FSTL5: variants seen among roughly 807,000 people sequenced by gnomAD.
FSTL5 encodes follistatin-related protein 5.
In FSTL5, 62 loss-of-function variants were observed where a neutral mutation model predicts 89.1. The ratio of observed to expected loss-of-function variants is 0.70; its 90% CI spans 0.57 to 0.86. The LOEUF (loss-of-function observed/expected upper bound fraction) is 0.86, where lower values mean the gene tolerates loss of function less well. FSTL5 is among the 40% of genes least tolerant of loss of function. FSTL5 has a pLI of 0.00. For synonymous variants in FSTL5, 383 were observed against 346.2 expected, an observed-to-expected ratio of 1.11 and a Z score of -1.18; for missense variants, 1,057 against 1,001.6, an observed-to-expected ratio of 1.06 and a Z score of -0.75.
Position 161,531,205 on chromosome 4 carries a change from A to G in FSTL5, c.1312+6961T>C, listed in dbSNP as rs540055490. On this transcript the variant is annotated intron_variant, in intron 10 of 15. Transcript: ENST00000306100. ...GTGATATTTGTTGACAAAGTTAGACACTGTAAATCAAAGTTTCCCACTTCA... is the reference window on the plus strand; with the variant it reads ...GTGATATTTGTTGACAAAGTTAGACGCTGTAAATCAAAGTTTCCCACTTCA... Among the ~76,000 whole-genome samples, 5 of 152,324 alleles carry G rather than the reference A, an allele frequency of 3.3e-5. No homozygotes were observed. The South Asian group carries it at 1.0e-3, about 32-fold the overall frequency.
chr4:161,700,561 A>T (rs1335073333), intron 6 of FSTL5, among the ~76,000 whole-genome samples: 1 of 151,960 alleles, frequency 6.6e-6, no homozygotes, highest in Admixed American at 6.6e-5. Flanking sequence ...TATTTGGTAG[A>T]GATGAGGTTT....
intron 4 of FSTL5, among the ~76,000 whole-genome samples, chr4:161,879,905 G>C (rs1732571722): frequency 6.6e-6 from 1 of 152,124 alleles, no homozygotes; most frequent in African/African-American, 2.4e-5. Flanking sequence ...TAGATTGATA[G>C]CTCCATGGGA....
intron 8 of FSTL5, among the ~76,000 whole-genome samples, chr4:161,561,227 A>G (rs1057263858): frequency 2.0e-5 from 3 of 152,028 alleles, no homozygotes; most frequent in African/African-American, 4.8e-5. Flanking sequence ...ACATAGATAG[A>G]TAGATGATAG....
intron 10 of FSTL5, among the ~76,000 whole-genome samples, chr4:161,537,549 G>C (rs1395973211): frequency 6.6e-6 from 1 of 152,134 alleles, no homozygotes; most frequent in African/African-American, 2.4e-5. Flanking sequence ...CTTTTGCCAA[G>C]TAATTAAACA....
At chr4:161,641,024 A>C (rs912332142) in intron 7 of FSTL5, among the ~76,000 whole-genome samples, 1 of 152,196 alleles carries the variant, frequency 6.6e-6, no homozygotes, top group African/African-American at 2.4e-5. Flanking sequence ...AAAAGAAATA[A>C]GCTGCCAACC....
intron 3 of FSTL5, chr4:162,022,594 CT>C (rs1234659275): frequency 1.3e-5 from 2 of 152,096 alleles, no homozygotes; most frequent in African/African-American, 4.8e-5. Flanking sequence ...CTAAGTCATC[CT>C]ATTAAAGTCA....
intron 6 of FSTL5, among the ~76,000 whole-genome samples, chr4:161,682,292 G>T (rs1466267867): frequency 6.6e-6 from 1 of 152,000 alleles, no homozygotes; most frequent in East Asian, 1.9e-4. Flanking sequence ...GTATACTTAG[G>T]TTACACAAAG....
chr4:162,108,793 T>C (rs1269474488), intron 2 of FSTL5, among the ~76,000 whole-genome samples: 2 of 151,650 alleles, frequency 1.3e-5, no homozygotes, highest in Non-Finnish European at 2.9e-5. Context: ...TAGAAATATA[T>C]ATATGTATAT....
At chr4:161,466,707 T>C (rs533014247) in intron 13 of FSTL5, among the ~76,000 whole-genome samples, 1 of 152,190 alleles carries the variant, frequency 6.6e-6, no homozygotes, top group East Asian at 1.9e-4. Context: ...AAAACTTTGA[T>C]GGTGAGAAAA....
At chr4:161,798,135 A>G (rs577337530) in intron 4 of FSTL5, among the ~76,000 whole-genome samples, 8 of 151,854 alleles carry the variant, frequency 5.3e-5, no homozygotes, top group South Asian at 2.1e-4. Flanking sequence ...TTTATGGCAT[A>G]CAGGTTAAGT....
intron 4 of FSTL5, among the ~76,000 whole-genome samples, chr4:161,803,900 T>C (rs1293801762): frequency 2.0e-5 from 3 of 152,026 alleles, no homozygotes; most frequent in African/African-American, 7.2e-5. Context: ...TACGCTGAGA[T>C]GCATTTTTCT....
At chr4:161,940,626 A>G (rs923514823) in intron 3 of FSTL5, among the ~76,000 whole-genome samples, 2 of 151,870 alleles carry the variant, frequency 1.3e-5, no homozygotes, top group Non-Finnish European at 2.9e-5. Flanking sequence ...TAACATGCTG[A>G]TATAAAAATC....
At chr4:162,157,514 C>T (rs1478103855) in intron 1 of FSTL5, among the ~76,000 whole-genome samples, 3 of 151,814 alleles carry the variant, frequency 2.0e-5, no homozygotes, top group Non-Finnish European at 4.4e-5. Flanking sequence ...AATAGACTTC[C>T]TAGGGCTCCA....
chr4:161,431,194 C>A (rs1199796033), intron 15 of FSTL5, among the ~76,000 whole-genome samples: 1 of 152,054 alleles, frequency 6.6e-6, no homozygotes, highest in African/African-American at 2.4e-5. Context: ...CTACTCATAT[C>A]TTGACTAGAA....
intron 6 of FSTL5, among the ~76,000 whole-genome samples, chr4:161,669,794 C>T (rs1214490496): frequency 6.6e-6 from 1 of 151,754 alleles, no homozygotes; most frequent in Non-Finnish European, 1.5e-5. Flanking sequence ...TAATTAATAA[C>T]AAGAGGAAAA....
rs35261391 is a variant in FSTL5, at chr4:161,601,329, G to GAAAAAAAAAAAAAAAAAAAAAAA, written c.895-13755_895-13754insTTTTTTTTTTTTTTTTTTTTTTT. On this transcript the variant is annotated intron_variant, in intron 7 of 15. Coordinates refer to ENST00000306100, the MANE Select transcript of FSTL5 (RefSeq NM_020116.5). The stretch of plus-strand genomic sequence containing the variant: ...AGTGACACAAAGTCTTAAATAGTTG[G>GAAAAAAAAAAAAAAAAAAAAAAA]AAAAAAAAAAAAAAAAAAAAAGGCA... 6.5e-5 allele frequency among the ~76,000 whole-genome samples: 7 copies of GAAAAAAAAAAAAAAAAAAAAAAA among 107,566 alleles called. 3 individuals carry two copies. The highest frequency in any genetic ancestry group is 1.3e-4 in the Non-Finnish European group (7 of 54,450). The allele number at this position is 107,566 out of a possible 152,430, so 70.6% of individuals were successfully genotyped here.
In FSTL5 at chr4:161,389,604, T is replaced by C. The variant is rs558816017; in HGVS notation, c.1842-3155A>G. Among the ~76,000 whole-genome samples the C allele has an allele frequency of 3.5e-3, 537 of 152,246 alleles. 3 individuals carry two copies. Among genetic ancestry groups the C allele is most frequent in the African/African-American group, 0.012 (519 of 41,560 alleles). On this transcript the variant is annotated intron_variant, in intron 15 of 15. Coordinates refer to ENST00000306100, the MANE Select transcript of FSTL5 (RefSeq NM_020116.5). ...ATTCCAAGCTAACTTATTTTCATGA[T>C]CCAGATTTTCAAAATAATAGACCTT...
rs1349241554 is a variant in FSTL5, at chr4:161,564,210, C to T, written c.1016-21517G>A. On this transcript the variant is annotated intron_variant, in intron 8 of 15. Coordinates refer to ENST00000306100, the MANE Select transcript of FSTL5 (RefSeq NM_020116.5). ...CAGAACCATCAAATTATAAATTATG[C>T]ATGTGTATATATGCATGTGTACATA... Among the ~76,000 whole-genome samples the T allele has an allele frequency of 6.0e-5, 9 of 151,258 alleles. No individual in the cohort carries two copies. In the South Asian group the frequency reaches 1.2e-3, roughly 21 times the overall value.
intron 4 of FSTL5, among the ~76,000 whole-genome samples, chr4:161,838,902 T>TTATAGTGGAAAA (rs141051546): frequency 0.077 from 11,760 of 151,938 alleles, 523 homozygotes; most frequent in African/African-American, 0.12. Flanking sequence ...CGCAATGGAA[T>TTATAGTGGAAAA]TATTAAACAT....
Sources: gnomAD v4.1 joint callset for allele counts (sites outside exome capture counted in the v4.1 genomes callset) on GRCh38, gnomAD v4.1.1 for gene constraint, MANE v1.5 for transcripts, NCBI Gene and HGNC (gene_info 2026-07-23, HGNC 2026-07-21) for gene names.